MPZL3: variants seen among roughly 807,000 people sequenced by gnomAD.
MPZL3 encodes myelin protein zero like 3.
In MPZL3, 23 loss-of-function variants were observed where a neutral mutation model predicts 24.8. The ratio of observed to expected loss-of-function variants is 0.93; its 90% CI spans 0.67 to 1.31. MPZL3 has a LOEUF of 1.31. Among genes scored for constraint, MPZL3 ranks in the 40% most tolerant of loss-of-function variants. The pLI is 0.00. For synonymous variants in MPZL3, 99 were observed against 106.5 expected (o/e 0.93, Z 0.44); for missense variants, 277 against 294.9 (o/e 0.94, Z 0.44).
chr11:118,240,732 GACACACACACACACACACACACACAC>G lies in MPZL3; in HGVS notation c.74-381_74-356del, dbSNP rs56100329. 1.8e-3 allele frequency among the ~76,000 whole-genome samples: 214 copies of G among 121,630 alleles called. 2 individuals are homozygous for G. Among genetic ancestry groups the G allele is most frequent in the African/African-American group, 6.1e-3 (194 of 31,772 alleles). 79.8% of individuals were successfully genotyped at this position (121,630 alleles called of 152,430 possible). ...CACCCATCCCCTTCCATCCCCCGCA[GACACACACACACACACACACACACAC>G]ACACACACACACACACACACACACA... On this transcript the variant is annotated intron_variant, in intron 1 of 5. Transcript: ENST00000278949.
chr11:118,235,713 G>T, intron 3 of MPZL3, 124 bp from the exon 4 acceptor site: 1 of 1,001,824 alleles, frequency 1.0e-6, no homozygotes, highest in Non-Finnish European at 1.4e-6. Context: ...AAATCATTGT[G>T]TGAAAGGTAG....
At chr11:118,241,442 G>A in intron 1 of MPZL3, among the ~76,000 whole-genome samples, 1 of 152,232 alleles carries the variant, frequency 6.6e-6, no homozygotes, top group East Asian at 1.9e-4. Flanking sequence ...TCAAATCCCG[G>A]CCCTGTCACC....
chr11:118,242,090 T>C (rs1949505587), intron 1 of MPZL3, among the ~76,000 whole-genome samples: 2 of 152,174 alleles, frequency 1.3e-5, no homozygotes, highest in South Asian at 4.1e-4. Flanking sequence ...ACTCTCCCCA[T>C]GTCCATTCCT....
chr11:118,248,328 T>C (rs182226950), intron 1 of MPZL3, among the ~76,000 whole-genome samples: 2 of 152,212 alleles, frequency 1.3e-5, no homozygotes, highest in East Asian at 3.9e-4. Flanking sequence ...TTCCTTTTTA[T>C]AAAACAAAAA....
At chr11:118,249,033 C>T (rs1006252786) in intron 1 of MPZL3, among the ~76,000 whole-genome samples, 1 of 88,148 alleles carries the variant, frequency 1.1e-5, no homozygotes, top group Non-Finnish European at 2.2e-5. Context: ...CTAATATTTT[C>T]GGTTTGTTTT....
intron 1 of MPZL3, among the ~76,000 whole-genome samples, chr11:118,247,619 C>A (rs1207916276): frequency 6.6e-6 from 1 of 152,022 alleles, no homozygotes; most frequent in Non-Finnish European, 1.5e-5. Flanking sequence ...TTAATGCCCC[C>A]CACCCCACAC....
chr11:118,235,392 G>A (rs1949409480), intron 4 of MPZL3, 32 bp downstream of exon 4: 1 of 1,610,376 alleles, frequency 6.2e-7, no homozygotes, highest in African/African-American at 1.3e-5. Flanking sequence ...GGAGGAAACA[G>A]GCTTGCTGCC....
intron 5 of MPZL3, among the ~76,000 whole-genome samples, chr11:118,232,194 C>G (rs1400905968): frequency 3.3e-5 from 5 of 152,128 alleles, no homozygotes; most frequent in African/African-American, 1.2e-4. Flanking sequence ...GCCTTTGCAC[C>G]AGTCACTTCT....
At chr11:118,246,585 C>CTTT (rs71301655) in intron 1 of MPZL3, among the ~76,000 whole-genome samples, 6,382 of 123,140 alleles carry the variant, frequency 0.052, 276 homozygotes, top group Middle Eastern at 0.076. Flanking sequence ...TTTTTCTTTT[C>CTTT]TTTTTTTTTT....
intron 1 of MPZL3, among the ~76,000 whole-genome samples, chr11:118,246,262 C>T (rs1459441585): frequency 6.6e-6 from 1 of 152,194 alleles, no homozygotes; most frequent in Non-Finnish European, 1.5e-5. Context: ...CAACCACTAA[C>T]AGGATAATGA....
chr11:118,252,121 TG>T lies in MPZL3; in HGVS notation c.73+100del, dbSNP rs978108109. ...CCTCCCTCCTTCCTTCCCAGAGCTA[TG>T]CGGGGGCTTTCTGGAGACCCCCCTA... is the stretch of plus-strand genomic sequence containing the variant. On this transcript the variant is annotated intron_variant, in intron 1 of 5. Coordinates refer to ENST00000278949, the MANE Select transcript of MPZL3 (RefSeq NM_198275.3). 1.7e-5 allele frequency: 20 copies of T among 1,167,376 alleles called. No homozygotes were observed. The African/African-American group carries it at 3.0e-4, about 18-fold the overall frequency. 72.3% of individuals were successfully genotyped at this position (1,167,376 alleles called of 1,614,324 possible).
intron 2 of MPZL3, 40 bp downstream of exon 2, chr11:118,240,171 C>T (rs1206117280): frequency 5.3e-6 from 8 of 1,496,316 alleles, no homozygotes; most frequent in Non-Finnish European, 7.1e-6. Flanking sequence ...AATTCCAAAA[C>T]TGTTGACCAA....
intron 2 of MPZL3, among the ~76,000 whole-genome samples, 181 bp from the exon 3 acceptor site, chr11:118,237,441 G>C (rs570882562): frequency 1.3e-5 from 2 of 151,926 alleles, no homozygotes; most frequent in African/African-American, 4.8e-5. Flanking sequence ...AAAAAGGCCC[G>C]ATGAGAGACT....
intron 3 of MPZL3, among the ~76,000 whole-genome samples, 171 bp downstream of exon 3, chr11:118,236,879 A>T (rs1402705283): frequency 1.3e-5 from 2 of 152,250 alleles, no homozygotes; most frequent in Non-Finnish European, 2.9e-5. Flanking sequence ...TAAAGATTAA[A>T]AATTCACCCC....
At chr11:118,245,984 T>C (rs1340277939) in intron 1 of MPZL3, among the ~76,000 whole-genome samples, 5 of 152,150 alleles carry the variant, frequency 3.3e-5, no homozygotes, top group African/African-American at 1.2e-4. Context: ...AACCCTTGGT[T>C]TAGAACAAAG....
chr11:118,240,626 C>T (rs1199662347), intron 1 of MPZL3, among the ~76,000 whole-genome samples: 3 of 152,024 alleles, frequency 2.0e-5, no homozygotes, highest in South Asian at 2.1e-4. Context: ...TCTGGTCACA[C>T]CAGCGTTTTC....
intron 1 of MPZL3, among the ~76,000 whole-genome samples, chr11:118,240,749 ACACACACACACACACACACACACACAC>A (rs1949485999): frequency 7.4e-6 from 1 of 135,902 alleles, no homozygotes; most frequent in African/African-American, 3.5e-5. Flanking sequence ...ACACACACAC[ACACACACACACACACACACACACACAC>A]ACACACACTC....
chr11:118,241,442 G>C (rs1949498089), intron 1 of MPZL3, among the ~76,000 whole-genome samples: 1 of 152,132 alleles, frequency 6.6e-6, no homozygotes, highest in African/African-American at 2.4e-5. Flanking sequence ...TCAAATCCCG[G>C]CCCTGTCACC....
intron 5 of MPZL3, among the ~76,000 whole-genome samples, chr11:118,232,654 G>A (rs1949369520): frequency 6.6e-6 from 1 of 152,028 alleles, no homozygotes; most frequent in Non-Finnish European, 1.5e-5. Context: ...AAATATCCGA[G>A]CCTCCAAAGG....
Sources: gnomAD v4.1 joint callset for allele counts (sites outside exome capture counted in the v4.1 genomes callset) on GRCh38, gnomAD v4.1.1 for gene constraint, MANE v1.5 for transcripts, NCBI Gene and HGNC (gene_info 2026-07-23, HGNC 2026-07-21) for gene names.